STOX2: variants seen among roughly 807,000 people sequenced by gnomAD.
The protein encoded by STOX2 is storkhead-box protein 2.
A neutral mutation model predicts 60.9 loss-of-function variants in STOX2; 28 were observed. That is an observed-to-expected ratio of 0.46 (90% CI 0.34 to 0.63). The LOEUF (loss-of-function observed/expected upper bound fraction) is 0.63, where lower values mean the gene tolerates loss of function less well. STOX2 is among the 30% of genes least tolerant of loss of function. The pLI, the probability that STOX2 is intolerant of heterozygous loss-of-function variation, is 0.01. For missense variants in STOX2, 1,024 were observed against 1,187.7 expected (o/e 0.86, Z 2.03); for synonymous variants, 472 against 463.9 (o/e 1.02, Z -0.22).
rs1380817316 is a variant in STOX2, at chr4:183,849,690, C to T, written c.364+51635C>T. 4.6e-5 allele frequency among the ~76,000 whole-genome samples: 7 copies of T among 152,202 alleles called. No homozygotes were observed. In the East Asian group the frequency reaches 1.4e-3, roughly 29 times the overall value. On this transcript the variant is annotated intron_variant, in intron 1 of 2. Coordinates refer to the STOX2 transcript ENST00000513034. ...GAGATCTCTACCAAGATCTCTACAG[C>T]CAGAAATAAAGACTGGAGCCATCCA...
At chr4:183,863,536 A>C (rs1473784207) in intron 1 of STOX2, among the ~76,000 whole-genome samples, 1 of 147,086 alleles carries the variant, frequency 6.8e-6, no homozygotes, top group Non-Finnish European at 1.5e-5. Context: ...GAAAATCATA[A>C]ATCCACTCCT....
intron 1 of STOX2, among the ~76,000 whole-genome samples, chr4:183,969,019 A>G (rs1021092469): frequency 1.3e-5 from 2 of 152,222 alleles, no homozygotes; most frequent in Admixed American, 1.3e-4. Context: ...TTCTTCATCA[A>G]TTGTTTGTTC....
At chr4:183,868,833 C>G (rs1307755656) in intron 1 of STOX2, among the ~76,000 whole-genome samples, 1 of 152,156 alleles carries the variant, frequency 6.6e-6, no homozygotes, top group East Asian at 1.9e-4. Flanking sequence ...AAAGTAAACC[C>G]TTCTGTTAAG....
rs532421483 is a variant in STOX2, at chr4:183,836,282, C to A, written c.364+38227C>A. Among the ~76,000 whole-genome samples the A allele has an allele frequency of 6.6e-6, 1 of 152,256 alleles. No individual in the cohort carries two copies. Among genetic ancestry groups the A allele is most frequent in the East Asian group, 1.9e-4 (1 of 5,190 alleles). On this transcript the variant is annotated intron_variant, in intron 1 of 2. Coordinates refer to the STOX2 transcript ENST00000513034. This position sits in a 1 kb window ranked among gnomAD's most constrained non-coding sequence, Gnocchi z 4.1. ...GATTGCTTTATCCTCTGAGGTTGCACCGCAGATCCTCTTCTGCAAGTCAAT... is the reference window on the plus strand; with the variant it reads ...GATTGCTTTATCCTCTGAGGTTGCAACGCAGATCCTCTTCTGCAAGTCAAT...
At chr4:183,986,513 C>T (rs576564913) in intron 1 of STOX2, among the ~76,000 whole-genome samples, 1 of 152,336 alleles carries the variant, frequency 6.6e-6, no homozygotes, top group East Asian at 1.9e-4. Flanking sequence ...GCATGGAAGA[C>T]GTTTTATTTA....
intron 1 of STOX2, among the ~76,000 whole-genome samples, chr4:183,913,735 C>G (rs896915516): frequency 6.6e-6 from 1 of 152,118 alleles, no homozygotes; most frequent in South Asian, 2.1e-4. Flanking sequence ...CGCCTCACTG[C>G]ACTCCAGCCT....
At chr4:183,800,719 G>A (rs1347635121) in intron 1 of STOX2, among the ~76,000 whole-genome samples, 3 of 152,140 alleles carry the variant, frequency 2.0e-5, no homozygotes, top group Admixed American at 1.3e-4. Context: ...TTCTTGTGGG[G>A]GATACAGATT....
chr4:183,968,706 T>C (rs1743652483), intron 1 of STOX2, among the ~76,000 whole-genome samples: 1 of 150,330 alleles, frequency 6.7e-6, no homozygotes, highest in Admixed American at 6.7e-5. Flanking sequence ...AGGATCTTTG[T>C]TGCCAGGGGA....
At chr4:183,881,246 T>A (rs1355361246) in intron 1 of STOX2, among the ~76,000 whole-genome samples, 3 of 108,708 alleles carry the variant, frequency 2.8e-5, no homozygotes, top group Non-Finnish European at 6.4e-5. Context: ...CTCACACCTA[T>A]AATTCCAGCA....
intron 1 of STOX2, among the ~76,000 whole-genome samples, chr4:183,811,843 C>A (rs1475248335): frequency 1.3e-5 from 2 of 151,172 alleles, no homozygotes; most frequent in South Asian, 2.1e-4. Context: ...TCCAAAATTT[C>A]TTTGTTTTCT....
chr4:183,833,882 T>A (rs1739634602), intron 1 of STOX2, among the ~76,000 whole-genome samples: 1 of 147,302 alleles, frequency 6.8e-6, no homozygotes, highest in Non-Finnish European at 1.5e-5. Context: ...CTTGGGAGGC[T>A]GAGGCAGGAG....
At chr4:183,984,918 C>T (rs921279406) in intron 1 of STOX2, among the ~76,000 whole-genome samples, 4 of 152,100 alleles carry the variant, frequency 2.6e-5, no homozygotes, top group Admixed American at 6.5e-5. Flanking sequence ...TGCCATCAGA[C>T]GCCGAGATTT....
intron 1 of STOX2, among the ~76,000 whole-genome samples, chr4:183,956,547 C>G (rs910421796): frequency 5.9e-5 from 9 of 152,012 alleles, no homozygotes; most frequent in Admixed American, 3.3e-4. Flanking sequence ...TGTTTTAGAG[C>G]TGCATTTCCT....
chr4:183,807,054 G>C (rs1472485108), intron 1 of STOX2, among the ~76,000 whole-genome samples: 1 of 151,908 alleles, frequency 6.6e-6, no homozygotes, highest in Non-Finnish European at 1.5e-5. Flanking sequence ...CTCACTGCAA[G>C]CTCCGTCTCC....
chr4:183,890,845 T>C (rs9993084), intron 1 of STOX2, among the ~76,000 whole-genome samples: 119,393 of 152,118 alleles, frequency 0.78, 47,494 homozygotes, highest in Middle Eastern at 0.86. Flanking sequence ...CGGTGGCTCA[T>C]GCCTGTAATC....
chr4:183,855,195 T>C (rs1047255157), intron 1 of STOX2, among the ~76,000 whole-genome samples: 1 of 152,224 alleles, frequency 6.6e-6, no homozygotes. Flanking sequence ...TTACTTTGGG[T>C]GTTTAATTCT....
Position 183,856,416 on chromosome 4 carries a change from A to C in STOX2, c.364+58361A>C, listed in dbSNP as rs1248111327. Among the ~76,000 whole-genome samples, 2 of 152,232 alleles carry C rather than the reference A, an allele frequency of 1.3e-5. No homozygotes were observed. Among genetic ancestry groups the C allele is most frequent in the Non-Finnish European group, 2.9e-5 (2 of 68,046 alleles). On this transcript the variant is annotated intron_variant, in intron 1 of 2. Coordinates refer to the STOX2 transcript ENST00000513034. The surrounding 1 kb of genome is among the most constrained non-coding windows in gnomAD (Gnocchi z 4.0). ...TCGGATGAGTAGTTTTCAGCATTAA[A>C]CACTTAAAGTAGTGTGTGATTCAAC...
intron 1 of STOX2, among the ~76,000 whole-genome samples, chr4:183,928,967 T>G (rs1342411484): frequency 6.6e-6 from 1 of 152,198 alleles, no homozygotes; most frequent in Non-Finnish European, 1.5e-5. Flanking sequence ...AAAGAAGCTT[T>G]GGATAAAGTG....
upstream of STOX2, among the ~76,000 whole-genome samples, chr4:183,901,336 A>G (rs1741454308): frequency 6.6e-6 from 1 of 152,188 alleles, no homozygotes; most frequent in Non-Finnish European, 1.5e-5. Flanking sequence ...GGTTGCGCCC[A>G]TGTTTTAACT....
Sources: allele counts gnomAD v4.1 joint callset (sites outside exome capture counted in the v4.1 genomes callset), GRCh38; gene constraint gnomAD v4.1.1; non-coding constraint Gnocchi (gnomAD v3.1); transcripts MANE v1.5; gene names NCBI Gene and HGNC (gene_info 2026-07-23, HGNC 2026-07-21).